IGF2BP2: variants seen among roughly 807,000 people sequenced by gnomAD.
IGF2BP2 encodes insulin like growth factor 2 mRNA binding protein 2, also known as insulin-like growth factor 2 mRNA-binding protein 2.
A neutral mutation model predicts 75.8 loss-of-function variants in IGF2BP2; 17 were observed. The observed-to-expected ratio is 0.22, with a 90% CI of 0.15 to 0.34. IGF2BP2 has a LOEUF of 0.34. Ranked by LOEUF, IGF2BP2 falls within the 10% of genes least tolerant of loss-of-function variation. The pLI is 1.00. For synonymous variants in IGF2BP2, 288 were observed against 295.6 expected, an observed-to-expected ratio of 0.97 and a Z score of 0.26; for missense variants, 516 against 772.4, an observed-to-expected ratio of 0.67 and a Z score of 3.93.
chr3:185,739,668 C>A (rs1050359340), intron 2 of IGF2BP2, among the ~76,000 whole-genome samples: 2 of 152,054 alleles, frequency 1.3e-5, no homozygotes, highest in African/African-American at 2.4e-5. Context: ...CCCAGACACG[C>A]GAAGCTTCTC....
At chr3:185,794,924 G>C (rs1193398885) in intron 2 of IGF2BP2, among the ~76,000 whole-genome samples, 2 of 151,318 alleles carry the variant, frequency 1.3e-5, no homozygotes, top group Non-Finnish European at 2.9e-5. Flanking sequence ...TTGAGGCGGA[G>C]TCTCACTCTG....
At chr3:185,754,666 C>T (rs1044353757) in intron 2 of IGF2BP2, among the ~76,000 whole-genome samples, 1 of 152,222 alleles carries the variant, frequency 6.6e-6, no homozygotes, top group South Asian at 2.1e-4. Context: ...CAGTGAAGTC[C>T]AGGCTGATGA....
chr3:185,816,003 G>A (rs1740550039), intron 2 of IGF2BP2, among the ~76,000 whole-genome samples: 1 of 152,122 alleles, frequency 6.6e-6, no homozygotes, highest in Non-Finnish European at 1.5e-5. Context: ...AGAAAGTGAC[G>A]TAGAGAAAGA....
At chr3:185,728,019 T>C (rs959014381) in intron 2 of IGF2BP2, among the ~76,000 whole-genome samples, 2 of 152,188 alleles carry the variant, frequency 1.3e-5, no homozygotes, top group African/African-American at 4.8e-5. Context: ...TTTACTATAA[T>C]GCCCCGGAGA....
intron 14 of IGF2BP2, among the ~76,000 whole-genome samples, chr3:185,649,089 C>T (rs575407909): frequency 2.0e-5 from 3 of 152,008 alleles, no homozygotes; most frequent in South Asian, 4.2e-4. Flanking sequence ...TCTCTGTTTT[C>T]AGGGAGTGGA....
chr3:185,713,481 G>A (rs747177831), intron 2 of IGF2BP2: 2 of 519,820 alleles, frequency 3.8e-6, no homozygotes, highest in Non-Finnish European at 7.7e-6. Flanking sequence ...CAATGGTCAA[G>A]GTAACAGGTA....
intron 2 of IGF2BP2, among the ~76,000 whole-genome samples, chr3:185,740,769 C>A (rs1578158489): frequency 1.3e-5 from 2 of 152,336 alleles, no homozygotes; most frequent in Admixed American, 1.3e-4. Flanking sequence ...TCTGCCCAAA[C>A]TGGACTTATG....
At chr3:185,798,787 C>CT (rs1260800467) in intron 2 of IGF2BP2, among the ~76,000 whole-genome samples, 37 of 133,146 alleles carry the variant, frequency 2.8e-4, no homozygotes, top group African/African-American at 5.8e-4. Flanking sequence ...TTTCTTTTTT[C>CT]TTTTTTTCTT....
At chr3:185,687,442 A>T (rs1577970903) in intron 6 of IGF2BP2, among the ~76,000 whole-genome samples, 1 of 152,386 alleles carries the variant, frequency 6.6e-6, no homozygotes, top group East Asian at 1.9e-4. Flanking sequence ...GGACAAAGGC[A>T]CTAAGCCAAC....
chr3:185,754,076 G>T (rs899003986), intron 2 of IGF2BP2, among the ~76,000 whole-genome samples: 7 of 152,072 alleles, frequency 4.6e-5, no homozygotes, highest in Admixed American at 6.6e-5. Flanking sequence ...GGGTGTTGTG[G>T]TGTGTAGCTG....
At chr3:185,661,125 T>C (rs558507970) in intron 10 of IGF2BP2, among the ~76,000 whole-genome samples, 2 of 152,362 alleles carry the variant, frequency 1.3e-5, no homozygotes, top group Admixed American at 1.3e-4. Context: ...GAAAGAATCT[T>C]GAACTTGCAA....
chr3:185,662,159 T>C (rs1334507722), intron 10 of IGF2BP2, among the ~76,000 whole-genome samples: 2 of 152,008 alleles, frequency 1.3e-5, no homozygotes, highest in Admixed American at 6.5e-5. Context: ...CTAAATTAAT[T>C]AGTGATAAAT....
intron 2 of IGF2BP2, among the ~76,000 whole-genome samples, chr3:185,752,283 T>C (rs1731067260): frequency 6.6e-6 from 1 of 152,230 alleles, no homozygotes; most frequent in African/African-American, 2.4e-5. Context: ...GAACAGGCCA[T>C]TGCAGGAGTA....
At chr3:185,762,366 TAAA>T (rs529395141) in intron 2 of IGF2BP2, among the ~76,000 whole-genome samples, 4 of 105,458 alleles carry the variant, frequency 3.8e-5, no homozygotes, top group African/African-American at 3.7e-5. Flanking sequence ...AGGCTTTACT[TAAA>T]AAAAAAAAAA....
At chr3:185,780,079 T>C (rs571591312) in intron 2 of IGF2BP2, among the ~76,000 whole-genome samples, 3 of 152,180 alleles carry the variant, frequency 2.0e-5, no homozygotes, top group Non-Finnish European at 1.5e-5. Flanking sequence ...TCTAGACATG[T>C]TGCGTGAAAA....
At chr3:185,646,227 C>G (rs1168559215) in intron 15 of IGF2BP2, among the ~76,000 whole-genome samples, 1 of 152,170 alleles carries the variant, frequency 6.6e-6, no homozygotes, top group African/African-American at 2.4e-5. Context: ...GGGACTCTGA[C>G]TGCAGAAGAC....
At chr3:185,700,090 C>T (rs561339495) in intron 2 of IGF2BP2, among the ~76,000 whole-genome samples, 53 of 152,084 alleles carry the variant, frequency 3.5e-4, no homozygotes, top group Middle Eastern at 3.4e-3. Context: ...GGTGTACCAC[C>T]TTGCGGGGTC....
chr3:185,738,350 T>C (rs1267383819), intron 2 of IGF2BP2, among the ~76,000 whole-genome samples: 1 of 152,206 alleles, frequency 6.6e-6, no homozygotes, highest in Non-Finnish European at 1.5e-5. Context: ...TAAACACTAA[T>C]AATTACAGAA....
At position 185,772,577 on chromosome 3, in the gene IGF2BP2, CTTT is replaced by C. The variant is rs368068706; in HGVS notation, c.239+50573_239+50575del. On this transcript the variant is annotated intron_variant, in intron 2 of 15. Coordinates refer to ENST00000382199, the MANE Select transcript of IGF2BP2 (RefSeq NM_006548.6). ...CAACTCCTTTTCTTCCCTTCTCTCT[CTTT>C]TTTTTTTTTTTTTTTTTTTGAGACA... 5.7e-3 allele frequency among the ~76,000 whole-genome samples: 673 copies of C among 118,146 alleles called. 2 individuals carry two copies. Among genetic ancestry groups the C allele is most frequent in the African/African-American group, 0.022 (638 of 28,746 alleles). The allele number at this position is 118,146 out of a possible 152,430, so 77.5% of individuals were successfully genotyped here.
Sources: allele counts gnomAD v4.1 joint callset (sites outside exome capture counted in the v4.1 genomes callset), GRCh38; gene constraint gnomAD v4.1.1; transcripts MANE v1.5; gene names NCBI Gene and HGNC (gene_info 2026-07-23, HGNC 2026-07-21).